RASAL3: variants seen among roughly 807,000 people sequenced by gnomAD.
RASAL3 encodes RAS protein activator like-3.
RASAL3 carries 74 observed loss-of-function variants against 105.5 expected under a neutral mutation model. The ratio of observed to expected loss-of-function variants is 0.70; its 90% CI spans 0.58 to 0.85. The LOEUF (loss-of-function observed/expected upper bound fraction) is 0.85, where lower values mean the gene tolerates loss of function less well. Among genes scored for constraint, RASAL3 ranks in the 40% least tolerant of loss-of-function variants. The probability of loss-of-function intolerance (pLI) is 0.00; values close to 1 mark genes in which losing one functional copy is unlikely to be tolerated. For synonymous variants in RASAL3, 579 were observed against 591.6 expected (o/e 0.98, Z 0.31); for missense variants, 1,352 against 1,392.0 (o/e 0.97, Z 0.46).
chr19:15,452,460 T>A lies in RASAL3; in HGVS notation c.2828+198A>T, dbSNP rs1970180033. The A allele has an allele frequency of 3.8e-5, 23 of 605,862 alleles. No homozygotes were observed. The South Asian group carries it at 4.6e-4, about 12-fold the overall frequency. The allele number at this position is 605,862 out of a possible 1,614,324, so 37.5% of individuals were successfully genotyped here. ...TGGATGAGAGAATCTGCCAGGGTCC[T>A]AGGCCGACCTTCGTTGGGTGGGTCC... On this transcript the variant is annotated intron_variant, in intron 16 of 17. Transcript: ENST00000343625.
chr19:15,462,859 G>A (rs911847891), intron 2 of RASAL3, among the ~76,000 whole-genome samples: 2 of 151,574 alleles, frequency 1.3e-5, no homozygotes, highest in Non-Finnish European at 2.9e-5. Context: ...GCTGAGGCAG[G>A]AGAATGGCGT....
Position 15,454,513 on chromosome 19 carries a change from C to G in RASAL3, c.2008G>C (p.Glu670Gln). The G allele has an allele frequency of 6.2e-7, 1 of 1,613,988 alleles. No individual in the cohort carries two copies. Among genetic ancestry groups the G allele is most frequent in the Non-Finnish European group, 8.5e-7 (1 of 1,179,896 alleles). The change falls in exon 13 of 18, where the codon GAA becomes CAA. Residue 670 changes from glutamate (E) to glutamine (Q), a missense_variant. By Grantham distance (29) the Glu-to-Gln change is conservative. Transcript: ENST00000343625. ...YMGFMNSFLE[E>Q]HGPAMQCFLD... is the part of the protein sequence containing the mutation. ...AAGCATTGCATGGCTGGTCCATGTT[C>G]CTCCAGGAAGCTATTCATGAAGCCC...
In RASAL3 at chr19:15,461,480, T is replaced by C. The variant is rs1489393126; in HGVS notation, c.456A>G (p.Gly152=). The change falls in exon 3 of 18, where the codon GGA becomes GGG. Residue 152 remains glycine, a synonymous_variant. Transcript: ENST00000343625. ...LLDGKLVLLG[G]EEEGPRRPRV... The stretch of plus-strand genomic sequence containing the variant: ...AGGTGCCCCCTCTCACCTCCTCCTC[T>C]CCTCCAAGCAGCACCAGCTTCCCAT... 1.3e-6 allele frequency: 2 copies of C among 1,547,466 alleles called. No homozygotes were observed. Among genetic ancestry groups the C allele is most frequent in the African/African-American group, 1.4e-5 (1 of 72,466 alleles).
In RASAL3 at chr19:15,452,806, G is replaced by T; in HGVS notation, c.2680C>A (p.Leu894Met). ...THRPVNKLAE[L>M]QCEVAALREE... is the part of the protein sequence containing the mutation. The stretch of plus-strand genomic sequence containing the variant: ...CGCAGAGCGGCCACCTCGCACTGCA[G>T]CTCTGCCAACTGTGGTGGGAGAGCA... Residue 894 changes from leucine (L) to methionine (M), a missense_variant, in exon 16 of 18, where the codon CTG (leucine) becomes ATG (methionine). Physicochemically the swap from Leu to Met is conservative, Grantham distance 15. Transcript: ENST00000343625. 1 of 1,555,146 alleles carries T rather than the reference G, an allele frequency of 6.4e-7. No homozygotes were observed. The highest frequency in any genetic ancestry group is 1.9e-5 in the Admixed American group (1 of 52,038).
chr19:15,462,004 GT>G (rs199527396), intron 2 of RASAL3, among the ~76,000 whole-genome samples: 2 of 151,360 alleles, frequency 1.3e-5, no homozygotes, highest in Admixed American at 1.3e-4. Context: ...TTGTTTTTTT[GT>G]TTTTTTTGCA....
Position 15,453,137 on chromosome 19 carries a change from C to A in RASAL3, c.2640G>T (p.Gln880His). ...RQMDQPQDRN[Q>H]ALGTHRPVNK... ...TCACAGGTCGGTGCGTGCCCAGTGC[C>A]TGGTTTCGGTCTTGCGGCTGGTCCA... is the stretch of plus-strand genomic sequence containing the variant. Residue 880 changes from glutamine to histidine, a missense_variant, in exon 15 of 18, where the codon CAG (glutamine) becomes CAT (histidine). This residue lies in a region of RASAL3 where 920 missense variants were observed against 919.6 expected (regional missense o/e 1.00). Coordinates refer to ENST00000343625, the MANE Select transcript of RASAL3 (RefSeq NM_022904.3). The surrounding 1 kb of genome is among the most constrained non-coding windows in gnomAD (Gnocchi z 4.2). 8 of 1,613,726 alleles carry A rather than the reference C, an allele frequency of 5.0e-6. No individual in the cohort carries two copies. Among genetic ancestry groups the A allele is most frequent in the Non-Finnish European group, 6.8e-6 (8 of 1,179,720 alleles).
At chr19:15,463,976 C>T (rs1218004503) in intron 2 of RASAL3, 55 bp downstream of exon 2, 3 of 1,467,536 alleles carry the variant, frequency 2.0e-6, no homozygotes, top group African/African-American at 2.8e-5. Flanking sequence ...GCAGACAAAA[C>T]CCAAGCATCC....
intron 8 of RASAL3, chr19:15,458,065 G>A: frequency 1.6e-6 from 1 of 634,632 alleles, no homozygotes. Context: ...TACAAGAGTA[G>A]TACTGGAGTA....
At position 15,457,514 on chromosome 19, in the gene RASAL3, C is replaced by T; in HGVS notation, c.1209G>A (p.Trp403Ter). Residue 403 changes from tryptophan (W) to a stop codon, truncating the protein, a stop_gained, in exon 9 of 18, where the codon TGG becomes TGA. Transcript: ENST00000343625. LOFTEE classifies it high-confidence loss of function. This position sits in a 1 kb window ranked among gnomAD's most constrained non-coding sequence, Gnocchi z 8.6. ...PRAPAAGLER[W>*]FPLLGAPAGA... is the part of the protein sequence containing the mutation. ...CCGCCGGCGCCCCGAGCAGCGGGAA[C>T]CAGCGCTCCAGACCGGCGGCAGGCG... 8.6e-7 allele frequency: 1 copy of T among 1,158,344 alleles called. No individual in the cohort carries two copies. Among genetic ancestry groups the T allele is most frequent in the Non-Finnish European group, 1.1e-6 (1 of 937,804 alleles). The allele number at this position is 1,158,344 out of a possible 1,614,324, so 71.8% of individuals were successfully genotyped here.
rs757063579 is a variant in RASAL3, at chr19:15,454,791, G to A, written c.1824C>T (p.Leu608=). Reference sequence around the variant, plus strand: ...TGGCAGGGCACAGGAGCCGCAGGAAGAGGGAGGCGCACACCAGTCGGGGGC... The same window carrying A: ...TGGCAGGGCACAGGAGCCGCAGGAAAAGGGAGGCGCACACCAGTCGGGGGC... ...VLGPRLVCAS[L]FLRLLCPAIL... is the part of the protein sequence containing the mutation. Residue 608 remains leucine (L), a synonymous_variant, in exon 12 of 18, where the codon CTC becomes CTT. Transcript: ENST00000343625. 7 of 1,599,394 alleles carry A rather than the reference G, an allele frequency of 4.4e-6. No homozygotes were observed. The highest frequency in any genetic ancestry group is 5.1e-6 in the Non-Finnish European group (6 of 1,173,334).
chr19:15,451,734 C>G lies in RASAL3; in HGVS notation c.*61G>C. The G allele has an allele frequency of 6.5e-7, 1 of 1,532,166 alleles. No homozygotes were observed. The highest frequency in any genetic ancestry group is 8.8e-7 in the Non-Finnish European group (1 of 1,131,576). The allele number at this position is 1,532,166 out of a possible 1,614,324, so 94.9% of individuals were successfully genotyped here. ...GTAGGGCTAAGGCAAAGTCAGACACCCCCCCTAAGATGGCTATCTCTCTGC... is the reference window on the plus strand; with the variant it reads ...GTAGGGCTAAGGCAAAGTCAGACACGCCCCCTAAGATGGCTATCTCTCTGC... On this transcript the variant is annotated 3_prime_UTR_variant, in exon 18 of 18. Coordinates refer to ENST00000343625, the MANE Select transcript of RASAL3 (RefSeq NM_022904.3).
In RASAL3 at chr19:15,452,774, C is replaced by T. The variant is rs1364028235; in HGVS notation, c.2712G>A (p.Glu904=). Residue 904 remains glutamate, a synonymous_variant, in exon 16 of 18, where the codon GAG becomes GAA. Coordinates refer to ENST00000343625, the MANE Select transcript of RASAL3 (RefSeq NM_022904.3). ...CCACGAGGCGGGACAGCACTTTCTG[C>T]TCCTCACGCAGAGCGGCCACCTCGC... ...LQCEVAALRE[E]QKVLSRLVES... 7 of 1,564,410 alleles carry T rather than the reference C, an allele frequency of 4.5e-6. No individual in the cohort carries two copies. In the South Asian group the frequency reaches 7.1e-5, roughly 16 times the overall value.
At chr19:15,454,965 G>C (rs1970274468) in intron 11 of RASAL3, 72 bp from the exon 12 acceptor site, 1 of 1,188,022 alleles carries the variant, frequency 8.4e-7, no homozygotes, top group Non-Finnish European at 1.2e-6. Flanking sequence ...ATAAGGTTGG[G>C]AGTCCCAGAA....
chr19:15,455,992 G>T, intron 11 of RASAL3, 112 bp downstream of exon 11: 1 of 1,245,660 alleles, frequency 8.0e-7, no homozygotes, highest in Non-Finnish European at 1.1e-6. Flanking sequence ...CCCAATTATT[G>T]CATCAAATTT....
chr19:15,454,298 A>G (rs1156526146), intron 13 of RASAL3, 31 bp from the exon 14 acceptor site: 3 of 1,564,736 alleles, frequency 1.9e-6, no homozygotes, highest in Non-Finnish European at 8.7e-7. Flanking sequence ...GAGACTGAGC[A>G]AAGTCTCCAG....
In RASAL3 at chr19:15,464,089, C is replaced by A; in HGVS notation, c.270G>T (p.Trp90Cys). Residue 90 changes from tryptophan to cysteine, a missense_variant, in exon 2 of 18, where the codon TGG (tryptophan) becomes TGT (cysteine). By Grantham distance (215) the Trp-to-Cys change is radical. Around this residue, in one of 3 missense-constraint regions of RASAL3, gnomAD observed 344 missense variants for 339.6 expected, o/e 1.01. Coordinates refer to ENST00000343625, the MANE Select transcript of RASAL3 (RefSeq NM_022904.3). Reference protein sequence around the residue: ...TSRLRLSKALWGRHKNPPPEP... With the variant: ...TSRLRLSKALCGRHKNPPPEP... ...CCGGCGGTGGGTTCTTATGCCTCCCCCAGAGGGCCTTGGAGAGTCGAAGGC... is the reference window on the plus strand; with the variant it reads ...CCGGCGGTGGGTTCTTATGCCTCCCACAGAGGGCCTTGGAGAGTCGAAGGC... 1 of 1,606,538 alleles carries A rather than the reference C, an allele frequency of 6.2e-7. No homozygotes were observed. The highest frequency in any genetic ancestry group is 8.5e-7 in the Non-Finnish European group (1 of 1,175,372).
chr19:15,462,579 G>A (rs1471145792), intron 2 of RASAL3, among the ~76,000 whole-genome samples: 2 of 152,188 alleles, frequency 1.3e-5, no homozygotes, highest in Non-Finnish European at 2.9e-5. Flanking sequence ...AGCCCTCCCA[G>A]ATTGCCTGTC....
intron 6 of RASAL3, among the ~76,000 whole-genome samples, chr19:15,458,952 A>G (rs962883121): frequency 4.0e-5 from 6 of 151,666 alleles, no homozygotes; most frequent in Non-Finnish European, 7.4e-5. Flanking sequence ...TTATTTATTT[A>G]TTTATTTATT....
chr19:15,464,302 C>A lies in RASAL3; in HGVS notation c.57G>T (p.Pro19=), dbSNP rs778258983. 40 of 1,176,092 alleles carry A rather than the reference C, an allele frequency of 3.4e-5. No individual in the cohort carries two copies. The highest frequency in any genetic ancestry group is 6.1e-5 in the African/African-American group (3 of 49,190). 72.9% of individuals were successfully genotyped at this position (1,176,092 alleles called of 1,614,324 possible). ...TSQTQPTATS[P]LTSYRWHTGG... ...CTGTGTGCCAGCGGTAGGAAGTCAG[C>A]GGAGAGGTGGCTGTGGGCTGGGTTT... The change falls in exon 2 of 18, where the codon CCG becomes CCT. Residue 19 remains proline, a synonymous_variant. Transcript: ENST00000343625.
Sources: gnomAD v4.1 joint callset for allele counts (sites outside exome capture counted in the v4.1 genomes callset) on GRCh38, gnomAD v4.1.1 for gene constraint, gnomAD v4.1.1 regional missense constraint, Gnocchi (gnomAD v3.1) non-coding constraint, MANE v1.5 for transcripts, NCBI Gene and HGNC (gene_info 2026-07-23, HGNC 2026-07-21) for gene names.